TP53BP2: variants seen among roughly 807,000 people sequenced by gnomAD.
The protein encoded by TP53BP2 is tumor protein p53 binding protein 2, also known as apoptosis-stimulating of p53 protein 2.
In TP53BP2, 62 loss-of-function variants were observed where a neutral mutation model predicts 126.2. The ratio of observed to expected loss-of-function variants is 0.49; its 90% CI spans 0.40 to 0.61. The LOEUF (loss-of-function observed/expected upper bound fraction) is 0.61. Among genes scored for constraint, TP53BP2 ranks in the 20% least tolerant of loss-of-function variants. The pLI is 0.00. For missense variants in TP53BP2, 1,215 were observed against 1,402.8 expected (o/e 0.87, Z 2.14); for synonymous variants, 485 against 502.9 (o/e 0.96, Z 0.48).
Position 223,785,946 on chromosome 1 carries a change from A to G in TP53BP2, c.3164-1632T>C, listed in dbSNP as rs566192237. 5.3e-4 allele frequency among the ~76,000 whole-genome samples: 80 copies of G among 152,268 alleles called. 1 individual carries two copies. The highest frequency in any genetic ancestry group is 4.2e-3 in the East Asian group (22 of 5,178). The stretch of plus-strand genomic sequence containing the variant: ...GCAAGTCCACTTGTAGATAAACACC[A>G]GAAGACAAGTACCAAAATGTTCACA... On this transcript the variant is annotated intron_variant, in intron 16 of 17. Coordinates refer to ENST00000343537, the MANE Select transcript of TP53BP2 (RefSeq NM_001031685.3).
At chr1:223,810,551 A>G (rs767823693) in intron 3 of TP53BP2, 38 bp from the exon 4 acceptor site, 20 of 1,360,386 alleles carry the variant, frequency 1.5e-5, no homozygotes, top group Non-Finnish European at 1.8e-5. Context: ...TTAACACTAG[A>G]GTTGACAGAT....
At chr1:223,804,040 T>A in intron 6 of TP53BP2, 134 bp downstream of exon 6, 1 of 869,328 alleles carries the variant, frequency 1.2e-6, no homozygotes, top group South Asian at 1.7e-5. Flanking sequence ...CCCCAGCTAC[T>A]CAGGAGGCTG....
Position 223,806,887 on chromosome 1 carries a change from G to C in TP53BP2, c.433C>G (p.Gln145Glu), listed in dbSNP as rs1466652043. 6.2e-7 allele frequency: 1 copy of C among 1,613,976 alleles called. No homozygotes were observed. ...TGTTGCTGGGCTTCAATCTGTTGCT[G>C]CTGGCGAGATGCCATTTCCTGAAGT... ...AELQEMASRQ[Q>E]QQIEAQQQLL... The change falls in exon 5 of 18, where the codon CAG becomes GAG. Residue 145 changes from glutamine to glutamate, a missense_variant. Gln to Glu is a conservative substitution (Grantham distance 29). Transcript: ENST00000343537.
Position 223,789,134 on chromosome 1 carries a change from C to T in TP53BP2, c.3037G>A (p.Val1013Met), listed in dbSNP as rs758224776. The change falls in exon 16 of 18, where the codon GTG (valine) becomes ATG (methionine). Residue 1013 changes from valine (V) to methionine (M), a missense_variant. This residue lies in a region of TP53BP2 where 151 missense variants were observed against 231.2 expected (regional missense o/e 0.65). Coordinates refer to ENST00000343537, the MANE Select transcript of TP53BP2 (RefSeq NM_001031685.3). Reference sequence around the variant, plus strand: ...CCTGACTCCACCAAAAACTTACACACTTGGACGTTGTTACATGAGGCAGCA... The same window carrying T: ...CCTGACTCCACCAAAAACTTACACATTTGGACGTTGTTACATGAGGCAGCA... ...HCAASCNNVQVCKFLVESGAA... is the reference protein window; with the variant it reads ...HCAASCNNVQMCKFLVESGAA... 1 of 1,614,056 alleles carries T rather than the reference C, an allele frequency of 6.2e-7. No homozygotes were observed. The highest frequency in any genetic ancestry group is 2.2e-5 in the East Asian group (1 of 44,898).
At position 223,782,315 on chromosome 1, in the gene TP53BP2, G is replaced by A. The variant is rs1004325408; in HGVS notation, c.3364-1421C>T. On this transcript the variant is annotated intron_variant, in intron 17 of 17. Transcript: ENST00000343537. ...AAGCAACTAGTTCTAAGGAGGTAAA[G>A]TCTTTCCCAGATAAGAAACTATACA... is the stretch of plus-strand genomic sequence containing the variant. Among the ~76,000 whole-genome samples, 4 of 152,254 alleles carry A rather than the reference G, an allele frequency of 2.6e-5. No homozygotes were observed. In the South Asian group the frequency reaches 8.3e-4, roughly 32 times the overall value.
rs778894627 is a variant in TP53BP2 at position 223,810,448 on chromosome 1, G to T, written c.355C>A (p.Arg119=). 2.5e-6 allele frequency: 4 copies of T among 1,609,362 alleles called. No homozygotes were observed. In the East Asian group the frequency reaches 8.9e-5, roughly 36 times the overall value. ...RNGVKVPGEY[R]RKENGVNSPR... is the part of the protein sequence containing the mutation. Reference sequence around the variant, plus strand: ...CAACTTACACCGTTCTCCTTTCTTCGATATTCACCAGGAACTTTTACACCA... The same window carrying T: ...CAACTTACACCGTTCTCCTTTCTTCTATATTCACCAGGAACTTTTACACCA... The change falls in exon 4 of 18, where the codon CGA becomes AGA. Residue 119 remains arginine (R), a synonymous_variant. Transcript: ENST00000343537.
At chr1:223,801,371 G>A (rs1003742619) in intron 9 of TP53BP2, among the ~76,000 whole-genome samples, 3 of 152,118 alleles carry the variant, frequency 2.0e-5, no homozygotes, top group Admixed American at 6.6e-5. Context: ...AGTAGTTATG[G>A]TAAAATAACA....
At position 223,810,404 on chromosome 1, in the gene TP53BP2, A is replaced by G. The variant is rs373694393; in HGVS notation, c.372+27T>C. ...AAAAATATGTATCACTGTGGTATAT[A>G]CAGTATGGATAAAAACAACAACTTA... On this transcript the variant is annotated intron_variant, in intron 4 of 17. Transcript: ENST00000343537. 8.4e-6 allele frequency: 13 copies of G among 1,547,710 alleles called. No homozygotes were observed. The African/African-American group carries it at 1.1e-4, about 13-fold the overall frequency.
Position 223,796,598 on chromosome 1 carries a change from G to T in TP53BP2, c.1949-8C>A. ...TTACAGGCTTACCATATACTAATTG[G>T]AAAAGGAAAAAAAAAAGCCCTCATT... is the stretch of plus-strand genomic sequence containing the variant. On this transcript the variant is annotated splice_polypyrimidine_tract_variant and splice_region_variant and intron_variant, in intron 12 of 17. Transcript: ENST00000343537. This position sits in a 1 kb window ranked among gnomAD's most constrained non-coding sequence, Gnocchi z 4.2. 6.6e-7 allele frequency: 1 copy of T among 1,512,890 alleles called. No individual in the cohort carries two copies. The highest frequency in any genetic ancestry group is 1.3e-5 in the South Asian group (1 of 77,322). 93.7% of individuals were successfully genotyped at this position (1,512,890 alleles called of 1,614,324 possible). A position where few individuals can be genotyped will look rare whatever the true frequency, so the allele number is the denominator to read the frequency against.
Position 223,845,730 on chromosome 1 carries a change from G to A in TP53BP2, c.-50C>T. ...CCCGGCCGAGCTGAGGTGCCCCGGA[G>A]GGTCGCGGATGCGGGGGAGGGGAGC... On this transcript the variant is annotated 5_prime_UTR_variant, in exon 1 of 18. Transcript: ENST00000343537. The A allele has an allele frequency of 6.7e-7, 1 of 1,483,996 alleles. No homozygotes were observed. Among genetic ancestry groups the A allele is most frequent in the South Asian group, 1.3e-5 (1 of 76,610 alleles). 91.9% of individuals were successfully genotyped at this position (1,483,996 alleles called of 1,614,324 possible).
chr1:223,822,360 G>A (rs1033776197), intron 1 of TP53BP2, among the ~76,000 whole-genome samples: 48 of 151,136 alleles, frequency 3.2e-4, no homozygotes, highest in African/African-American at 1.1e-3. Context: ...CCAACAGAAG[G>A]TTTACATTTA....
intron 1 of TP53BP2, chr1:223,834,960 C>T (rs1326907269): frequency 4.4e-6 from 3 of 687,910 alleles, no homozygotes; most frequent in South Asian, 1.3e-4. Context: ...TTCTTAAATG[C>T]CTCCTCCCTG....
intron 1 of TP53BP2, among the ~76,000 whole-genome samples, chr1:223,837,183 T>C (rs2102889537): frequency 6.7e-6 from 1 of 150,292 alleles, no homozygotes; most frequent in African/African-American, 2.5e-5. Flanking sequence ...CAAGGAACTT[T>C]TAGGTTGAAG....
intron 15 of TP53BP2, among the ~76,000 whole-genome samples, chr1:223,791,448 C>G (rs1662153293): frequency 6.6e-6 from 1 of 150,904 alleles, no homozygotes; most frequent in Admixed American, 6.6e-5. Context: ...AAAATTGTAA[C>G]CAAAGTGCTT....
chr1:223,821,544 C>A, intron 1 of TP53BP2, 177 bp from the exon 2 acceptor site: 2 of 807,316 alleles, frequency 2.5e-6, no homozygotes, highest in Non-Finnish European at 2.2e-6. Flanking sequence ...AGACCTGGAG[C>A]CCAGCCCCTA....
chr1:223,817,392 A>G (rs1207922249), intron 2 of TP53BP2, among the ~76,000 whole-genome samples: 3 of 109,566 alleles, frequency 2.7e-5, no homozygotes, highest in East Asian at 3.0e-4. Flanking sequence ...GAGGAGGGGG[A>G]GGGAAAGAAA....
intron 1 of TP53BP2, among the ~76,000 whole-genome samples, chr1:223,843,306 G>A (rs1664165289): frequency 6.6e-6 from 1 of 152,032 alleles, no homozygotes; most frequent in Admixed American, 6.6e-5. Flanking sequence ...GAGTAGCTGG[G>A]ACTACAGGCG....
At position 223,789,061 on chromosome 1, in the gene TP53BP2, T is replaced by A. The variant is rs1191758860; in HGVS notation, c.3110A>T (p.Asp1037Val). The change falls in exon 16 of 18, where the codon GAT becomes GTT. Residue 1037 changes from aspartate (D) to valine (V), a missense_variant. Asp to Val is a radical substitution (Grantham distance 152, BLOSUM62 -3). Transcript: ENST00000343537. ...MTYSDMQTAA[D>V]KCEEMEEGYT... ...GCCTTCCTCCATTTCCTCGCACTTA[T>A]CTGCAGCAGTCTGCATGTCACTGTA... 2 of 1,614,238 alleles carry A rather than the reference T, an allele frequency of 1.2e-6. No homozygotes were observed. The highest frequency in any genetic ancestry group is 1.1e-5 in the South Asian group (1 of 91,088).
chr1:223,811,098 T>G (rs2102862733), intron 3 of TP53BP2, among the ~76,000 whole-genome samples: 1 of 152,290 alleles, frequency 6.6e-6, no homozygotes, highest in East Asian at 1.9e-4. Flanking sequence ...TTTAAGTTTG[T>G]GAAGGTACTA....
Sources: allele counts gnomAD v4.1 joint callset (sites outside exome capture counted in the v4.1 genomes callset), GRCh38; gene constraint gnomAD v4.1.1; regional missense constraint gnomAD v4.1.1; non-coding constraint Gnocchi (gnomAD v3.1); transcripts MANE v1.5; gene names NCBI Gene and HGNC (gene_info 2026-07-23, HGNC 2026-07-21).